The following SLAIN1 variants were observed in gnomAD, a reference collection of about 807,000 sequenced individuals.
The protein encoded by SLAIN1 is SLAIN family member 1.
Under a neutral mutation model 55.4 loss-of-function variants are expected in SLAIN1, and 17 were observed. The observed-to-expected ratio is 0.31, with a 90% CI of 0.21 to 0.46. The LOEUF (loss-of-function observed/expected upper bound fraction) is 0.46, where lower values mean the gene tolerates loss of function less well. Ranked by LOEUF, SLAIN1 falls within the 20% of genes least tolerant of loss-of-function variation. The pLI is 1.00. For synonymous variants in SLAIN1, 348 were observed against 337.4 expected (o/e 1.03, Z -0.35); for missense variants, 682 against 785.1 (o/e 0.87, Z 1.57).
At chr13:77,754,264 A>C (rs1245488006) in intron 5 of SLAIN1, among the ~76,000 whole-genome samples, 1 of 152,286 alleles carries the variant, frequency 6.6e-6, no homozygotes, top group South Asian at 2.1e-4. Flanking sequence ...TCTCCCTAAC[A>C]TGCAGCGATC....
intron 2 of SLAIN1, among the ~76,000 whole-genome samples, chr13:77,739,307 G>A (rs1327186943): frequency 6.6e-6 from 1 of 152,026 alleles, no homozygotes. Flanking sequence ...GTCAGGATAG[G>A]AGTGGTAGAA....
chr13:77,734,799 C>G (rs754535813), intron 2 of SLAIN1, among the ~76,000 whole-genome samples: 1 of 152,082 alleles, frequency 6.6e-6, no homozygotes, highest in Non-Finnish European at 1.5e-5. Flanking sequence ...GCGGATGGAT[C>G]ACCTGAGGTC....
chr13:77,705,616 G>A (rs1049575019), intron 1 of SLAIN1, among the ~76,000 whole-genome samples: 1 of 151,462 alleles, frequency 6.6e-6, no homozygotes, highest in African/African-American at 2.4e-5. Context: ...ACTTTTTGGA[G>A]GGTTAGAGCT....
chr13:77,720,831 G>A lies in SLAIN1; in HGVS notation c.766+1160G>A, dbSNP rs182284092. Reference sequence around the variant, plus strand: ...ATCAACAGAAATCTGTTAAATACTCGGAAGGTGGGATGAAAGAATGTATTT... The same window carrying A: ...ATCAACAGAAATCTGTTAAATACTCAGAAGGTGGGATGAAAGAATGTATTT... On this transcript the variant is annotated intron_variant, in intron 2 of 6. Transcript: ENST00000418532. Among the ~76,000 whole-genome samples, 130 of 152,232 alleles carry A rather than the reference G, an allele frequency of 8.5e-4. 1 individual carries two copies. Among genetic ancestry groups the A allele is most frequent in the African/African-American group, 3.0e-3 (125 of 41,534 alleles).
At position 77,697,752 on chromosome 13, in the gene SLAIN1, G is replaced by T; in HGVS notation, c.-162G>T. The T allele has an allele frequency of 5.1e-6, 3 of 584,222 alleles. No homozygotes were observed. The highest frequency in any genetic ancestry group is 1.7e-4 in the South Asian group (2 of 12,042). 36.2% of individuals were successfully genotyped at this position (584,222 alleles called of 1,614,324 possible). On this transcript the variant is annotated 5_prime_UTR_variant, in exon 1 of 7. Transcript: ENST00000418532. ...GGTGGTGGCTGCCGCGGCCGGAGGC[G>T]AGGGCCCGGTGCTGATGCGAACCGC...
At chr13:77,747,088 G>A (rs1026626532) in intron 4 of SLAIN1, among the ~76,000 whole-genome samples, 1 of 151,876 alleles carries the variant, frequency 6.6e-6, no homozygotes, top group African/African-American at 2.4e-5. Context: ...ATTATGCCTG[G>A]CTAATTTATT....
chr13:77,760,980 A>G lies in SLAIN1; in HGVS notation c.1567A>G (p.Asn523Asp), dbSNP rs1874970614. The G allele has an allele frequency of 6.2e-7, 1 of 1,614,170 alleles. No homozygotes were observed. Among genetic ancestry groups the G allele is most frequent in the South Asian group, 1.1e-5 (1 of 91,082 alleles). Residue 523 changes from asparagine (N) to aspartate (D), a missense_variant, in exon 6 of 7, where the codon AAC becomes GAC. Coordinates refer to ENST00000418532, the MANE Select transcript of SLAIN1 (RefSeq NM_001242868.2). Reference sequence around the variant, plus strand: ...ATCAAACGGCTTACAGCTGTATTCCAACACAGGAATCCCCACACCGAACAA... The same window carrying G: ...ATCAAACGGCTTACAGCTGTATTCCGACACAGGAATCCCCACACCGAACAA... ...PLSNGLQLYSNTGIPTPNKAA... is the reference protein window; with the variant it reads ...PLSNGLQLYSDTGIPTPNKAA...
chr13:77,752,955 A>G (rs1421053540), intron 4 of SLAIN1, among the ~76,000 whole-genome samples: 1 of 152,178 alleles, frequency 6.6e-6, no homozygotes, highest in African/African-American at 2.4e-5. Context: ...CCCAGGAGCA[A>G]TGCTTTACAT....
At chr13:77,751,586 G>T (rs1358068495) in intron 4 of SLAIN1, among the ~76,000 whole-genome samples, 1 of 152,162 alleles carries the variant, frequency 6.6e-6, no homozygotes, top group Non-Finnish European at 1.5e-5. Context: ...GTGAGGTTGG[G>T]TGTCCACATG....
intron 2 of SLAIN1, among the ~76,000 whole-genome samples, chr13:77,743,649 T>C (rs1873609888): frequency 6.6e-6 from 1 of 151,378 alleles, no homozygotes; most frequent in Admixed American, 6.6e-5. Flanking sequence ...CTTCTATTTG[T>C]TCTTTGGTTC....
chr13:77,762,864 A>T (rs547297037), intron 6 of SLAIN1, among the ~76,000 whole-genome samples: 1 of 152,308 alleles, frequency 6.6e-6, no homozygotes, highest in East Asian at 1.9e-4. Flanking sequence ...TCTTATTTTA[A>T]AATATGTTTT....
chr13:77,744,186 CAT>C, intron 2 of SLAIN1, 95 bp from the exon 3 acceptor site: 2 of 920,268 alleles, frequency 2.2e-6, no homozygotes, highest in Non-Finnish European at 3.6e-6. Context: ...AACATGAAAA[CAT>C]GAGACAAATT....
chr13:77,752,996 T>G (rs929122388), intron 4 of SLAIN1, among the ~76,000 whole-genome samples: 5 of 152,182 alleles, frequency 3.3e-5, no homozygotes, highest in Non-Finnish European at 7.3e-5. Flanking sequence ...GCACTCAATA[T>G]TAACCATCAC....
At chr13:77,741,326 T>C (rs1449826054) in intron 2 of SLAIN1, 10 of 987,342 alleles carry the variant, frequency 1.0e-5, no homozygotes, top group Non-Finnish European at 1.2e-5. Context: ...TGTGTTGCAT[T>C]ATTAACCCCT....
chr13:77,763,219 A>G lies in SLAIN1; in HGVS notation c.1772A>G (p.Ter591=). The stretch of plus-strand genomic sequence containing the variant: ...GGAAATTGGAGAGATGGTTGCTACT[A>G]ATGCAGTTTTATGTACCCTTGAAAA... The part of the protein sequence containing the change: ...RDGNWRDGCY[*] The change falls in exon 7 of 7, where the codon TAA becomes TGA. Residue 591 remains the stop codon, a stop_retained_variant. Transcript: ENST00000418532. The G allele has an allele frequency of 6.2e-7, 1 of 1,613,282 alleles. No homozygotes were observed. The highest frequency in any genetic ancestry group is 8.5e-7 in the Non-Finnish European group (1 of 1,179,290).
chr13:77,737,175 C>T (rs968541734), intron 2 of SLAIN1, among the ~76,000 whole-genome samples: 2 of 151,982 alleles, frequency 1.3e-5, no homozygotes, highest in Admixed American at 6.6e-5. Context: ...GCATTAGCTT[C>T]GGTCTCTTTT....
At chr13:77,734,424 C>G (rs1412226371) in intron 2 of SLAIN1, among the ~76,000 whole-genome samples, 2 of 152,118 alleles carry the variant, frequency 1.3e-5, no homozygotes, top group Non-Finnish European at 2.9e-5. Flanking sequence ...GCTTCACTTA[C>G]TTTTTCCTTA....
intron 6 of SLAIN1, among the ~76,000 whole-genome samples, chr13:77,762,025 A>G (rs960447680): frequency 6.6e-6 from 1 of 152,134 alleles, no homozygotes; most frequent in African/African-American, 2.4e-5. Flanking sequence ...AAATAGTTTT[A>G]TTTTGTTTTG....
chr13:77,716,755 T>C (rs1264948768), intron 1 of SLAIN1, among the ~76,000 whole-genome samples: 3 of 152,184 alleles, frequency 2.0e-5, no homozygotes, highest in Non-Finnish European at 4.4e-5. Context: ...AACTCACTTA[T>C]GCTATTATCA....
Sources: allele counts gnomAD v4.1 joint callset (sites outside exome capture counted in the v4.1 genomes callset), GRCh38; gene constraint gnomAD v4.1.1; transcripts MANE v1.5; gene names NCBI Gene and HGNC (gene_info 2026-07-23, HGNC 2026-07-21).